ZNF585B: variants seen among roughly 807,000 people sequenced by gnomAD.
ZNF585B encodes the protein zinc finger protein 585B.
Under a neutral mutation model 14.0 loss-of-function variants are expected in ZNF585B, and 7 were observed. That is an observed-to-expected ratio of 0.50 (90% CI 0.28 to 0.94). The LOEUF (loss-of-function observed/expected upper bound fraction) is 0.94. Among genes scored for constraint, ZNF585B ranks in the 40% least tolerant of loss-of-function variants. The probability of loss-of-function intolerance (pLI) is 0.09; values close to 1 mark genes in which losing one functional copy is unlikely to be tolerated. For missense variants in ZNF585B, 750 were observed against 924.4 expected (o/e 0.81, Z 2.45); for synonymous variants, 290 against 317.3 (o/e 0.91, Z 0.91).
In ZNF585B at chr19:37,186,227, G is replaced by A; in HGVS notation, c.1310C>T (p.Pro437Leu). 2 of 1,614,170 alleles carry A rather than the reference G, an allele frequency of 1.2e-6. No homozygotes were observed. The highest frequency in any genetic ancestry group is 1.7e-6 in the Non-Finnish European group (2 of 1,180,032). Residue 437 changes from proline (P) to leucine (L), a missense_variant, in exon 5 of 5, where the codon CCT (proline) becomes CTT (leucine). Transcript: ENST00000532828. ...TTTCCCACAGTGACCACATTTATAAGGTTTCTCTCCAGTATGAATTATTTG... is the reference window on the plus strand; with the variant it reads ...TTTCCCACAGTGACCACATTTATAAAGTTTCTCTCCAGTATGAATTATTTG... ...THQIIHTGEKPYKCGHCGKLF... is the reference protein window; with the variant it reads ...THQIIHTGEKLYKCGHCGKLF...
chr19:37,208,925 G>C (rs1379874215), intron 1 of ZNF585B, among the ~76,000 whole-genome samples: 1 of 152,002 alleles, frequency 6.6e-6, no homozygotes, highest in Non-Finnish European at 1.5e-5. Flanking sequence ...CAGGGAAGCA[G>C]AGGTTGCAAT....
At chr19:37,188,156 A>C (rs564408831) in intron 4 of ZNF585B, among the ~76,000 whole-genome samples, 38 of 152,320 alleles carry the variant, frequency 2.5e-4, no homozygotes, top group African/African-American at 7.7e-4. Context: ...ATTAAACTCA[A>C]ACCTCATCAG....
At chr19:37,189,336 A>C (rs1234822484) in intron 4 of ZNF585B, among the ~76,000 whole-genome samples, 5 of 152,160 alleles carry the variant, frequency 3.3e-5, no homozygotes, top group Non-Finnish European at 4.4e-5. Context: ...TTTTGAAAGA[A>C]AGCAGATCCA....
At chr19:37,209,723 C>CTTTTTT (rs755649009) in intron 1 of ZNF585B, among the ~76,000 whole-genome samples, 2 of 117,994 alleles carry the variant, frequency 1.7e-5, no homozygotes, top group Non-Finnish European at 3.5e-5. Flanking sequence ...AAGTGCACTT[C>CTTTTTT]TTTTTTTTTT....
intron 2 of ZNF585B, among the ~76,000 whole-genome samples, chr19:37,194,129 T>C (rs1972434461): frequency 6.6e-6 from 1 of 152,214 alleles, no homozygotes; most frequent in African/African-American, 2.4e-5. Context: ...GGCAGAATGT[T>C]GATGATGACT....
rs1462204578 is a variant in ZNF585B, at chr19:37,201,985, C to T, written c.72+5055G>A. Among the ~76,000 whole-genome samples, 4 of 151,888 alleles carry T rather than the reference C, an allele frequency of 2.6e-5. No homozygotes were observed. In the East Asian group the frequency reaches 7.7e-4, roughly 29 times the overall value. Reference sequence around the variant, plus strand: ...AAACAGTGCTTGCTTCACTTTTTTCCCAGTGATAAACTATTAGTCTACTGT... The same window carrying T: ...AAACAGTGCTTGCTTCACTTTTTTCTCAGTGATAAACTATTAGTCTACTGT... On this transcript the variant is annotated intron_variant, in intron 2 of 4. Coordinates refer to ENST00000532828, the MANE Select transcript of ZNF585B (RefSeq NM_152279.4).
At chr19:37,202,449 T>TA (rs1412900985) in intron 2 of ZNF585B, among the ~76,000 whole-genome samples, 2 of 152,224 alleles carry the variant, frequency 1.3e-5, no homozygotes, top group African/African-American at 2.4e-5. Context: ...TATTATCTGT[T>TA]ACTCAAAACT....
Position 37,185,367 on chromosome 19 carries a change from C to G in ZNF585B, c.2170G>C (p.Gly724Arg). The change falls in exon 5 of 5, where the codon GGG becomes CGG. Residue 724 changes from glycine (G) to arginine (R), a missense_variant. Physicochemically the swap from Gly to Arg is moderately radical, Grantham distance 125. Around this residue, in one of 2 missense-constraint regions of ZNF585B, gnomAD observed 233 missense variants for 354.1 expected, o/e 0.66. Transcript: ENST00000532828. ...GEKPYVCAEC[G>R]KAFSNRSNLN... ...TTGGACCTGTTGCTAAAGGCCTTCCCACACTCAGCACACACGTAAGGCTTC... is the reference window on the plus strand; with the variant it reads ...TTGGACCTGTTGCTAAAGGCCTTCCGACACTCAGCACACACGTAAGGCTTC... 6.2e-7 allele frequency: 1 copy of G among 1,614,144 alleles called. No homozygotes were observed. Among genetic ancestry groups the G allele is most frequent in the Non-Finnish European group, 8.5e-7 (1 of 1,180,030 alleles).
At chr19:37,207,017 C>G in intron 2 of ZNF585B, 23 bp downstream of exon 2, 2 of 1,613,028 alleles carry the variant, frequency 1.2e-6, no homozygotes, top group Non-Finnish European at 1.7e-6. Flanking sequence ...GAAATTCCAC[C>G]CCTTGGGACT....
chr19:37,204,892 G>A (rs974553699), intron 2 of ZNF585B, among the ~76,000 whole-genome samples: 44 of 152,014 alleles, frequency 2.9e-4, no homozygotes, highest in Admixed American at 1.1e-3. Context: ...GATTACAGGC[G>A]TACGCCACCA....
chr19:37,203,300 T>A, intron 2 of ZNF585B, among the ~76,000 whole-genome samples: 1 of 152,086 alleles, frequency 6.6e-6, no homozygotes, highest in East Asian at 1.9e-4. Flanking sequence ...AGTTTAGCTT[T>A]ACCACACGAA....
intron 2 of ZNF585B, among the ~76,000 whole-genome samples, chr19:37,191,617 A>T (rs551201423): frequency 3.0e-5 from 4 of 135,508 alleles, no homozygotes; most frequent in African/African-American, 1.1e-4. Context: ...GACTCTGTCT[A>T]AAAAAAAAAA....
At chr19:37,201,728 G>T (rs114372930) in intron 2 of ZNF585B, among the ~76,000 whole-genome samples, 2,372 of 152,262 alleles carry the variant, frequency 0.016, 57 homozygotes, top group African/African-American at 0.053. Flanking sequence ...AATGTGGTAA[G>T]TGGTCAATGA....
chr19:37,194,813 T>C (rs369593738), intron 2 of ZNF585B, among the ~76,000 whole-genome samples: 1 of 152,032 alleles, frequency 6.6e-6, no homozygotes, highest in African/African-American at 2.4e-5. Flanking sequence ...ATGACCAAGA[T>C]AGACCATACC....
rs1972503734 is a variant in ZNF585B, at chr19:37,199,103, A to G, written c.72+7937T>C. On this transcript the variant is annotated intron_variant, in intron 2 of 4. Transcript: ENST00000532828. ...ATTTTTCTCTTTATCATACACTTGT[A>G]TAGTCACACCCTACACACACCAAAC... 3 of 1,028,580 alleles carry G rather than the reference A, an allele frequency of 2.9e-6. 1 individual carries two copies. In the Admixed American group the frequency reaches 6.4e-5, roughly 22 times the overall value. The allele number at this position is 1,028,580 out of a possible 1,614,324, so 63.7% of individuals were successfully genotyped here. A position where few individuals can be genotyped will look rare whatever the true frequency, so the allele number is the denominator to read the frequency against.
chr19:37,183,337 A>G lies in ZNF585B; in HGVS notation c.*1890T>C, dbSNP rs1227213312. On this transcript the variant is annotated 3_prime_UTR_variant, in exon 5 of 5. Transcript: ENST00000532828. ...GCGCTTCTTATGCTGCAACACAGAAAAAAATCAGACAGAAGTCACGCAACA... is the reference window on the plus strand; with the variant it reads ...GCGCTTCTTATGCTGCAACACAGAAGAAAATCAGACAGAAGTCACGCAACA... 1 of 152,310 alleles carries G rather than the reference A, an allele frequency of 6.6e-6. No homozygotes were observed. Among genetic ancestry groups the G allele is most frequent in the Non-Finnish European group, 1.5e-5 (1 of 68,140 alleles). 9.4% of individuals were successfully genotyped at this position (152,310 alleles called of 1,614,324 possible). A position where few individuals can be genotyped will look rare whatever the true frequency, so the allele number is the denominator to read the frequency against.
intron 2 of ZNF585B, among the ~76,000 whole-genome samples, chr19:37,194,608 C>A (rs540942149): frequency 8.6e-5 from 13 of 152,036 alleles, no homozygotes; most frequent in Non-Finnish European, 1.6e-4. Flanking sequence ...AGCAAGACTC[C>A]ATCTCAAAAA....
Position 37,184,481 on chromosome 19 carries a change from AAAG to A in ZNF585B, c.*743_*745del, listed in dbSNP as rs1438928298. 5 of 123,082 alleles carry A rather than the reference AAAG, an allele frequency of 4.1e-5. No individual in the cohort carries two copies. Among genetic ancestry groups the A allele is most frequent in the Non-Finnish European group, 8.7e-5 (5 of 57,508 alleles). 7.6% of individuals were successfully genotyped at this position (123,082 alleles called of 1,614,324 possible). A position where few individuals can be genotyped will look rare whatever the true frequency, so the allele number is the denominator to read the frequency against. On this transcript the variant is annotated 3_prime_UTR_variant, in exon 5 of 5. Coordinates refer to ENST00000532828, the MANE Select transcript of ZNF585B (RefSeq NM_152279.4). ...GAAAGAAAGAAAGAAAGAAAGAAAG[AAAG>A]AAAGAAAGAAAGAAAGAAAGAGAAA...
chr19:37,202,498 C>T (rs1445011465), intron 2 of ZNF585B, among the ~76,000 whole-genome samples: 1 of 152,112 alleles, frequency 6.6e-6, no homozygotes, highest in East Asian at 1.9e-4. Flanking sequence ...ATGATCTTTT[C>T]CATCATTTTT....
Sources: allele counts gnomAD v4.1 joint callset (sites outside exome capture counted in the v4.1 genomes callset), GRCh38; gene constraint gnomAD v4.1.1; regional missense constraint gnomAD v4.1.1; transcripts MANE v1.5; gene names NCBI Gene and HGNC (gene_info 2026-07-23, HGNC 2026-07-21).